The following NKAIN2 variants were observed in gnomAD, a reference collection of about 807,000 sequenced individuals.
NKAIN2 encodes the protein sodium/potassium transporting ATPase interacting 2.
NKAIN2 carries 14 observed loss-of-function variants against 32.6 expected under a neutral mutation model. The observed-to-expected ratio is 0.43, with a 90% CI of 0.28 to 0.67. The LOEUF is 0.67. NKAIN2 is among the 30% of genes least tolerant of loss of function. The probability of loss-of-function intolerance (pLI) is 0.17; values close to 1 mark genes in which losing one functional copy is unlikely to be tolerated. For missense variants in NKAIN2, 198 were observed against 258.3 expected, an observed-to-expected ratio of 0.77 and a Z score of 1.60; for synonymous variants, 80 against 87.2, an observed-to-expected ratio of 0.92 and a Z score of 0.46.
rs560019297 is a variant in NKAIN2 at position 124,235,100 on chromosome 6, A to C, written c.55-47905A>C. ...ATGATTTGTTCTATAATCTTCACTT[A>C]CTTCTTTTCATCTACACACCAATAA... is the stretch of plus-strand genomic sequence containing the variant. On this transcript the variant is annotated intron_variant, in intron 1 of 6. Transcript: ENST00000368417. 7.9e-5 allele frequency among the ~76,000 whole-genome samples: 12 copies of C among 152,226 alleles called. 1 individual carries two copies. The South Asian group carries it at 2.5e-3, about 32-fold the overall frequency.
intron 3 of NKAIN2, among the ~76,000 whole-genome samples, chr6:124,420,695 A>G (rs1366971694): frequency 6.6e-6 from 1 of 152,126 alleles, no homozygotes; most frequent in African/African-American, 2.4e-5. Flanking sequence ...TTGCTAATCC[A>G]TTTGCTTTGC....
intron 1 of NKAIN2, among the ~76,000 whole-genome samples, chr6:124,136,144 G>T (rs769662172): frequency 1.2e-4 from 18 of 152,038 alleles, no homozygotes; most frequent in Non-Finnish European, 1.6e-4. Context: ...GATTTACCAA[G>T]AAAAGAGAAG....
chr6:124,745,109 A>G (rs565765898), intron 4 of NKAIN2, among the ~76,000 whole-genome samples: 25 of 152,034 alleles, frequency 1.6e-4, no homozygotes, highest in Admixed American at 3.3e-4. Flanking sequence ...AAGACAAATT[A>G]GTCTAATGCA....
chr6:123,908,693 C>T (rs12214006), intron 1 of NKAIN2, among the ~76,000 whole-genome samples: 4 of 152,072 alleles, frequency 2.6e-5, no homozygotes, highest in Non-Finnish European at 4.4e-5. Flanking sequence ...TTCCCACTTA[C>T]GTACTGTTTA....
chr6:124,066,059 T>C (rs75376108), intron 1 of NKAIN2, among the ~76,000 whole-genome samples: 2,027 of 152,260 alleles, frequency 0.013, 33 homozygotes, highest in African/African-American at 0.039. Context: ...TTGTGCCATT[T>C]GCACCTCTGC....
chr6:124,677,794 A>C (rs796717501), intron 4 of NKAIN2, among the ~76,000 whole-genome samples: 14 of 152,166 alleles, frequency 9.2e-5, no homozygotes, highest in African/African-American at 2.9e-4. Context: ...ATGTATTTAC[A>C]TTTACCCATG....
At position 124,545,425 on chromosome 6, in the gene NKAIN2, A is replaced by C. The variant is rs1182090441; in HGVS notation, c.274-112761A>C. 2.0e-5 allele frequency among the ~76,000 whole-genome samples: 3 copies of C among 152,168 alleles called. No homozygotes were observed. In the East Asian group the frequency reaches 5.8e-4, roughly 29 times the overall value. On this transcript the variant is annotated intron_variant, in intron 3 of 6. Coordinates refer to ENST00000368417, the MANE Select transcript of NKAIN2 (RefSeq NM_001040214.3). Reference sequence around the variant, plus strand: ...ACAAGAGATAAGTCATTGGCAAGGTAGCATCAAAAACATTTTGGTAACATA... The same window carrying C: ...ACAAGAGATAAGTCATTGGCAAGGTCGCATCAAAAACATTTTGGTAACATA...
intron 3 of NKAIN2, among the ~76,000 whole-genome samples, chr6:124,499,174 T>C (rs1029349310): frequency 6.6e-6 from 1 of 152,212 alleles, no homozygotes; most frequent in Non-Finnish European, 1.5e-5. Context: ...AGGTGTAATA[T>C]TTTTCTAATC....
chr6:123,857,271 T>C (rs1269262962), intron 1 of NKAIN2, among the ~76,000 whole-genome samples: 1 of 152,044 alleles, frequency 6.6e-6, no homozygotes, highest in African/African-American at 2.4e-5. Context: ...GATTTTTTTT[T>C]TTTTTGCATA....
intron 3 of NKAIN2, among the ~76,000 whole-genome samples, chr6:124,606,227 C>T (rs1254584040): frequency 6.6e-6 from 1 of 151,418 alleles, no homozygotes; most frequent in Non-Finnish European, 1.5e-5. Flanking sequence ...ATATCTTGAT[C>T]TCAGAGAAAA....
rs149143389 is a variant in NKAIN2 at position 124,497,922 on chromosome 6, C to A, written c.273+142575C>A. Among the ~76,000 whole-genome samples, 166 of 149,726 alleles carry A rather than the reference C, an allele frequency of 1.1e-3. 1 individual carries two copies. Among genetic ancestry groups the A allele is most frequent in the Non-Finnish European group, 9.0e-4 (61 of 67,476 alleles). ...TTCAAAGTGTTTCATTCTGTAGGGG[C>A]TTTGATTTCACACTAAGGGAAACCT... On this transcript the variant is annotated intron_variant, in intron 3 of 6. Coordinates refer to ENST00000368417, the MANE Select transcript of NKAIN2 (RefSeq NM_001040214.3).
At chr6:123,883,012 G>T (rs939612484) in intron 1 of NKAIN2, among the ~76,000 whole-genome samples, 3 of 151,954 alleles carry the variant, frequency 2.0e-5, no homozygotes, top group East Asian at 3.9e-4. Flanking sequence ...TATTATACAC[G>T]CATTGATATG....
intron 1 of NKAIN2, among the ~76,000 whole-genome samples, chr6:123,891,000 G>A (rs992545756): frequency 2.6e-5 from 4 of 152,084 alleles, no homozygotes; most frequent in Admixed American, 6.6e-5. Context: ...ACAATGGGAT[G>A]CCATTTAACC....
At chr6:124,546,003 A>G (rs374937915) in intron 3 of NKAIN2, among the ~76,000 whole-genome samples, 3 of 152,148 alleles carry the variant, frequency 2.0e-5, no homozygotes, top group East Asian at 3.9e-4. Flanking sequence ...AAGCTCTCCT[A>G]GAAAAAAAAA....
In NKAIN2 at chr6:124,459,036, G is replaced by A. The variant is rs184395443; in HGVS notation, c.273+103689G>A. Among the ~76,000 whole-genome samples, 323 of 151,886 alleles carry A rather than the reference G, an allele frequency of 2.1e-3. 1 individual carries two copies. The highest frequency in any genetic ancestry group is 4.2e-3 in the Admixed American group (64 of 15,186). ...AATTTAATGATCTCTAGTGAATGTCGATTGACTTTCTAGTTTTTGATCACC... is the reference window on the plus strand; with the variant it reads ...AATTTAATGATCTCTAGTGAATGTCAATTGACTTTCTAGTTTTTGATCACC... On this transcript the variant is annotated intron_variant, in intron 3 of 6. Coordinates refer to ENST00000368417, the MANE Select transcript of NKAIN2 (RefSeq NM_001040214.3).
intron 3 of NKAIN2, among the ~76,000 whole-genome samples, chr6:124,418,487 GTTTA>G (rs1417010672): frequency 6.8e-6 from 1 of 146,882 alleles, no homozygotes; most frequent in Non-Finnish European, 1.5e-5. Flanking sequence ...TATATATATA[GTTTA>G]TTTATATATA....
At chr6:124,456,350 A>G (rs1005504216) in intron 3 of NKAIN2, among the ~76,000 whole-genome samples, 1 of 151,846 alleles carries the variant, frequency 6.6e-6, no homozygotes, top group Admixed American at 6.6e-5. Context: ...ACATCTATCT[A>G]TCTGTGTAAA....
chr6:124,613,668 G>A (rs1448262035), intron 3 of NKAIN2, among the ~76,000 whole-genome samples: 1 of 152,098 alleles, frequency 6.6e-6, no homozygotes, highest in Non-Finnish European at 1.5e-5. Flanking sequence ...TTTACAGATG[G>A]GGCAGTTAAT....
chr6:124,218,114 A>G (rs1481530445), intron 1 of NKAIN2, among the ~76,000 whole-genome samples: 2 of 152,010 alleles, frequency 1.3e-5, no homozygotes, highest in African/African-American at 4.8e-5. Context: ...TGGAAAAGGC[A>G]TTATTGACTT....
Sources: allele counts gnomAD v4.1 joint callset (sites outside exome capture counted in the v4.1 genomes callset), GRCh38; gene constraint gnomAD v4.1.1; transcripts MANE v1.5; gene names NCBI Gene and HGNC (gene_info 2026-07-23, HGNC 2026-07-21).